PITPNC1: variants seen among roughly 807,000 people sequenced by gnomAD.
PITPNC1 encodes cytoplasmic phosphatidylinositol transfer protein 1.
In PITPNC1, 18 loss-of-function variants were observed where a neutral mutation model predicts 44.7. The observed-to-expected ratio is 0.40, with a 90% CI of 0.28 to 0.60. PITPNC1 has a LOEUF of 0.60. Ranked by LOEUF, PITPNC1 falls within the 20% of genes least tolerant of loss-of-function variation. PITPNC1 has a pLI of 0.39. For synonymous variants in PITPNC1, 141 were observed against 149.6 expected, an observed-to-expected ratio of 0.94 and a Z score of 0.42; for missense variants, 290 against 418.4, an observed-to-expected ratio of 0.69 and a Z score of 2.68.
intron 1 of PITPNC1, among the ~76,000 whole-genome samples, chr17:67,480,590 TGA>T (rs1267735303): frequency 1.3e-5 from 2 of 152,174 alleles, no homozygotes; most frequent in Non-Finnish European, 2.9e-5. Flanking sequence ...TGATATTAAG[TGA>T]GAGAGTCTAT....
At chr17:67,671,449 A>C (rs1404675637) in intron 7 of PITPNC1, among the ~76,000 whole-genome samples, 1 of 152,194 alleles carries the variant, frequency 6.6e-6, no homozygotes, top group East Asian at 1.9e-4. Context: ...CTGGAATTTA[A>C]CCTTAATGCA....
chr17:67,556,979 C>G (rs1475961370), intron 4 of PITPNC1, among the ~76,000 whole-genome samples: 1 of 152,126 alleles, frequency 6.6e-6, no homozygotes, highest in Non-Finnish European at 1.5e-5. Flanking sequence ...CAGAGAAGGT[C>G]GCATTTGGGC....
chr17:67,402,755 C>G (rs1239262571), intron 1 of PITPNC1, among the ~76,000 whole-genome samples: 1 of 152,178 alleles, frequency 6.6e-6, no homozygotes, highest in East Asian at 1.9e-4. Flanking sequence ...CAATCTTCCC[C>G]TCCCTGGATC....
chr17:67,476,223 T>C (rs2039625122), intron 1 of PITPNC1, among the ~76,000 whole-genome samples: 1 of 151,552 alleles, frequency 6.6e-6, no homozygotes, highest in African/African-American at 2.4e-5. Flanking sequence ...TCTCGCTTTG[T>C]CACCCAGGCT....
intron 1 of PITPNC1, among the ~76,000 whole-genome samples, chr17:67,398,926 A>G (rs181430104): frequency 6.7e-6 from 1 of 150,118 alleles, no homozygotes; most frequent in East Asian, 2.0e-4. Flanking sequence ...CACCTTTCCA[A>G]TTTGCTTCAA....
intron 1 of PITPNC1, among the ~76,000 whole-genome samples, chr17:67,473,274 G>C (rs931857918): frequency 1.3e-5 from 2 of 151,888 alleles, no homozygotes; most frequent in Non-Finnish European, 2.9e-5. Context: ...GGCTCAAGCT[G>C]TCTACCCACC....
At chr17:67,539,728 C>T (rs748123026) in intron 2 of PITPNC1, among the ~76,000 whole-genome samples, 46 of 152,074 alleles carry the variant, frequency 3.0e-4, no homozygotes, top group Non-Finnish European at 6.3e-4. Flanking sequence ...GTCCCAGCTA[C>T]TCGGGAGGCT....
chr17:67,620,141 C>T (rs111391507), intron 5 of PITPNC1, among the ~76,000 whole-genome samples: 149 of 152,276 alleles, frequency 9.8e-4, no homozygotes, highest in African/African-American at 2.8e-3. Flanking sequence ...GCAATCTTAA[C>T]CTCCCAGACT....
At chr17:67,512,896 A>T (rs73351624) in intron 1 of PITPNC1, among the ~76,000 whole-genome samples, 6,182 of 152,200 alleles carry the variant, frequency 0.041, 387 homozygotes, top group African/African-American at 0.14. Flanking sequence ...GAGTTATTCA[A>T]TATATCCGGA....
chr17:67,625,317 C>T (rs1384222281), intron 5 of PITPNC1, among the ~76,000 whole-genome samples: 2 of 152,130 alleles, frequency 1.3e-5, no homozygotes, highest in Non-Finnish European at 2.9e-5. Flanking sequence ...AAGTTCACAG[C>T]ACTCCAGTGT....
intron 1 of PITPNC1, among the ~76,000 whole-genome samples, chr17:67,468,284 T>G (rs999714952): frequency 6.6e-6 from 1 of 152,018 alleles, no homozygotes. Flanking sequence ...GAGCTGGAGA[T>G]AGCTACCAGC....
Position 67,508,436 on chromosome 17 carries a change from C to T in PITPNC1, c.49-24366C>T, listed in dbSNP as rs997058436. ...CCATGGCATTTGTAAACTGTCGTGG[C>T]TCTGGTGGGAGTGTAGCAGTGAGGA... On this transcript the variant is annotated intron_variant, in intron 1 of 8. Coordinates refer to ENST00000581322, the MANE Select transcript of PITPNC1 (RefSeq NM_012417.4). The surrounding 1 kb of genome is among the most constrained non-coding windows in gnomAD (Gnocchi z 4.2). Among the ~76,000 whole-genome samples, 7 of 152,184 alleles carry T rather than the reference C, an allele frequency of 4.6e-5. No individual in the cohort carries two copies. The highest frequency in any genetic ancestry group is 1.7e-4 in the African/African-American group (7 of 41,442).
chr17:67,454,176 G>C (rs1027213101), intron 1 of PITPNC1, among the ~76,000 whole-genome samples: 1 of 151,856 alleles, frequency 6.6e-6, no homozygotes, highest in African/African-American at 2.4e-5. Flanking sequence ...GCTTGAACAC[G>C]GGAGGCAGAG....
chr17:67,451,800 G>T (rs958147643), intron 1 of PITPNC1, among the ~76,000 whole-genome samples: 1 of 151,986 alleles, frequency 6.6e-6, no homozygotes, highest in Non-Finnish European at 1.5e-5. Context: ...ATCACGCCTG[G>T]CTAATTTTTG....
chr17:67,664,894 G>C (rs1486010106), intron 6 of PITPNC1, among the ~76,000 whole-genome samples: 1 of 143,784 alleles, frequency 7.0e-6, no homozygotes, highest in Non-Finnish European at 1.5e-5. Flanking sequence ...GACAGAGCGA[G>C]ACTCCATCTC....
chr17:67,645,272 C>T (rs1243309391), intron 6 of PITPNC1, among the ~76,000 whole-genome samples: 4 of 145,386 alleles, frequency 2.8e-5, no homozygotes, highest in African/African-American at 7.7e-5. Context: ...ACCCTGAAGG[C>T]GGAGGTTGCG....
intron 6 of PITPNC1, among the ~76,000 whole-genome samples, chr17:67,643,843 G>A (rs887551786): frequency 3.9e-5 from 6 of 152,218 alleles, no homozygotes; most frequent in Non-Finnish European, 8.8e-5. Flanking sequence ...CTGGCTTCGA[G>A]CTCTGCAGAT....
intron 4 of PITPNC1, 73 bp downstream of exon 4, chr17:67,553,690 C>A: frequency 1.8e-6 from 1 of 543,722 alleles, no homozygotes. Flanking sequence ...TCTTGTATTA[C>A]TTGTCTTATC....
At chr17:67,571,930 G>A (rs1301530579) in intron 4 of PITPNC1, among the ~76,000 whole-genome samples, 2 of 152,228 alleles carry the variant, frequency 1.3e-5, no homozygotes, top group Non-Finnish European at 2.9e-5. Context: ...CCGAAGGGAA[G>A]GATTACACAG....
Sources: gnomAD v4.1 joint callset for allele counts (sites outside exome capture counted in the v4.1 genomes callset) on GRCh38, gnomAD v4.1.1 for gene constraint, Gnocchi (gnomAD v3.1) non-coding constraint, MANE v1.5 for transcripts, NCBI Gene and HGNC (gene_info 2026-07-23, HGNC 2026-07-21) for gene names.